The following NFKBID variants were observed in gnomAD, a reference collection of about 807,000 sequenced individuals.
The protein encoded by NFKBID is NF-kappa-B inhibitor delta.
NFKBID carries 26 observed loss-of-function variants against 53.4 expected under a neutral mutation model. The observed-to-expected ratio is 0.49, with a 90% CI of 0.36 to 0.68. The LOEUF is 0.68. Among genes scored for constraint, NFKBID ranks in the 30% least tolerant of loss-of-function variants. The probability of loss-of-function intolerance (pLI) is 0.00; values close to 1 mark genes in which losing one functional copy is unlikely to be tolerated. For missense variants in NFKBID, 493 were observed against 614.1 expected (o/e 0.80, Z 2.08); for synonymous variants, 262 against 259.8 (o/e 1.01, Z -0.08).
Position 35,896,792 on chromosome 19 carries a change from C to T in NFKBID, c.618G>A (p.Ala206=), listed in dbSNP as rs543615979. Residue 206 remains alanine, a synonymous_variant, in exon 6 of 12, where the codon GCG becomes GCA. Coordinates refer to ENST00000641389, the Ensembl canonical transcript of NFKBID. This position sits in a 1 kb window ranked among gnomAD's most constrained non-coding sequence, Gnocchi z 5.7. ...GGAGCACCTCAGCCGCAGCATATGC[C>T]GCCCAGCGCAGCCCCCGAGCCGCAA... is the stretch of plus-strand genomic sequence containing the variant. The T allele has an allele frequency of 8.7e-6, 14 of 1,613,984 alleles. No individual in the cohort carries two copies. The highest frequency in any genetic ancestry group is 2.7e-5 in the African/African-American group (2 of 75,036).
intron 9 of NFKBID, among the ~76,000 whole-genome samples, chr19:35,892,015 T>C (rs1406850895): frequency 6.6e-6 from 1 of 151,738 alleles, no homozygotes; most frequent in Non-Finnish European, 1.5e-5. Flanking sequence ...CCCCAAGCAC[T>C]GGGATTACAG....
chr19:35,897,534 A>G (rs1975264699), intron 4 of NFKBID, 117 bp downstream of exon 4: 1 of 706,906 alleles, frequency 1.4e-6, no homozygotes, highest in East Asian at 2.5e-5. Flanking sequence ...GTGAGCCACC[A>G]CGCCCGGCCT....
At chr19:35,900,302 C>T (rs1453577778) in intron 1 of NFKBID, 140 bp downstream of exon 1, 40 of 640,370 alleles carry the variant, frequency 6.2e-5, no homozygotes, top group Non-Finnish European at 8.5e-5. Context: ...CGATCCCCTC[C>T]TCCTCCAAAC....
chr19:35,898,611 C>T, intron 2 of NFKBID, 79 bp from the exon 3 acceptor site: 1 of 1,417,218 alleles, frequency 7.1e-7, no homozygotes, highest in Non-Finnish European at 9.5e-7. Context: ...ATCTATAAGA[C>T]ATTTCGGTCA....
chr19:35,900,802 CTTTTCTTTTTCTTTTTTTTCTTTTCTT>C, upstream of NFKBID: 1 of 288,894 alleles, frequency 3.5e-6, no homozygotes, highest in Non-Finnish European at 6.2e-6. Context: ...GATTTCTTTT[CTTTTCTTTTTCTTTTTTTTCTTTTCTT>C]TTTTTTTTTT....
At chr19:35,888,661 AGGT>A in intron 11 of NFKBID, 49 bp from the exon 12 acceptor site, 1 of 1,421,910 alleles carries the variant, frequency 7.0e-7, no homozygotes, top group Non-Finnish European at 9.7e-7. Context: ...TTGGAAGGAG[AGGT>A]GGGGAAGGCA....
At chr19:35,895,730 G>C (rs1871811397) in intron 9 of NFKBID, among the ~76,000 whole-genome samples, 1 of 152,156 alleles carries the variant, frequency 6.6e-6, no homozygotes, top group African/African-American at 2.4e-5. Context: ...CTTGAACCCG[G>C]GATGCAGAGG....
At position 35,896,823 on chromosome 19, in the gene NFKBID, T is replaced by C; in HGVS notation, c.587A>G (p.His196Arg). The C allele has an allele frequency of 6.2e-7, 1 of 1,613,618 alleles. No homozygotes were observed. Among genetic ancestry groups the C allele is most frequent in the Non-Finnish European group, 8.5e-7 (1 of 1,179,842 alleles). ...GCGCAGCCCCCGAGCCGCAAACAGG[T>C]GAAGGAGCCTGAGGACAGGTGGGGG... Residue 196 changes from histidine to arginine, a missense_variant, in exon 6 of 12, where the codon CAC (histidine) becomes CGC (arginine). Transcript: ENST00000641389. This position sits in a 1 kb window ranked among gnomAD's most constrained non-coding sequence, Gnocchi z 5.7.
intron 9 of NFKBID, among the ~76,000 whole-genome samples, chr19:35,892,543 C>CAAAAAAAAAAAAAAAAAAAAAA (rs112001334): frequency 2.7e-5 from 3 of 112,282 alleles, no homozygotes; most frequent in African/African-American, 1.0e-4. Flanking sequence ...GACTCCATCT[C>CAAAAAAAAAAAAAAAAAAAAAA]AAAAAAAAAA....
intron 4 of NFKBID, 46 bp from the exon 5 acceptor site, chr19:35,897,104 C>A: frequency 6.3e-7 from 1 of 1,575,004 alleles, no homozygotes; most frequent in Non-Finnish European, 8.6e-7. Context: ...CTGGGGGGTC[C>A]TGGAGGGTGC....
At chr19:35,900,831 T>C (rs112511500), upstream of NFKBID, among the ~76,000 whole-genome samples, 1,430 of 125,872 alleles carry the variant, frequency 0.011, 31 homozygotes, top group African/African-American at 0.051. Flanking sequence ...TCTTTTCTTT[T>C]TTTTTTTTTT....
chr19:35,895,814 A>G (rs1263320330), intron 9 of NFKBID, among the ~76,000 whole-genome samples, 166 bp downstream of exon 9: 1 of 152,152 alleles, frequency 6.6e-6, no homozygotes, highest in African/African-American at 2.4e-5. Context: ...CAAAACAAAC[A>G]AAGAAACAAA....
rs533411201 is a variant in NFKBID at position 35,888,449 on chromosome 19, A to G, written c.*110T>C. ...TCTGGGGTTTTAATGTAAAACCCCAATGGCAGGATATTCCACATACATTAT... is the reference window on the plus strand; with the variant it reads ...TCTGGGGTTTTAATGTAAAACCCCAGTGGCAGGATATTCCACATACATTAT... On this transcript the variant is annotated 3_prime_UTR_variant, in exon 12 of 12. Coordinates refer to ENST00000641389, the Ensembl canonical transcript of NFKBID. 41 of 811,806 alleles carry G rather than the reference A, an allele frequency of 5.1e-5. No individual in the cohort carries two copies. The African/African-American group carries it at 5.4e-4, about 11-fold the overall frequency. 50.3% of individuals were successfully genotyped at this position (811,806 alleles called of 1,614,324 possible).
At chr19:35,890,280 C>A in intron 10 of NFKBID, 94 bp downstream of exon 10, 1 of 944,774 alleles carries the variant, frequency 1.1e-6, no homozygotes, top group East Asian at 2.5e-5. Context: ...CACACATCGT[C>A]CCCTCCACGT....
chr19:35,889,468 A>G (rs1974600460), intron 11 of NFKBID, among the ~76,000 whole-genome samples: 1 of 152,282 alleles, frequency 6.6e-6, no homozygotes, highest in African/African-American at 2.4e-5. Flanking sequence ...GTGAAGGGAA[A>G]GGGGCTGCTG....
At chr19:35,899,321 T>C (rs1975412658) in intron 1 of NFKBID, among the ~76,000 whole-genome samples, 1 of 152,062 alleles carries the variant, frequency 6.6e-6, no homozygotes, top group Non-Finnish European at 1.5e-5. Flanking sequence ...GGCTCACGCC[T>C]GTAATCCCAA....
chr19:35,898,660 C>T (rs1599626357), intron 2 of NFKBID, 59 bp downstream of exon 2: 6 of 1,475,732 alleles, frequency 4.1e-6, no homozygotes, highest in African/African-American at 1.5e-5. Context: ...CCCGGCAAGC[C>T]GCTGAGTCCC....
rs55773307 is a variant in NFKBID, at chr19:35,888,675, C to T, written c.1315-63G>A. The T allele has an allele frequency of 3.6e-3, 4,562 of 1,275,332 alleles. 18 individuals carry two copies. The highest frequency in any genetic ancestry group is 7.5e-3 in the South Asian group (589 of 78,570). 79.0% of individuals were successfully genotyped at this position (1,275,332 alleles called of 1,614,324 possible). Reference sequence around the variant, plus strand: ...GTTGGAAGGAGAGGTGGGGAAGGCACGCCATGCAGAGGGAGGGGCTAGAGA... The same window carrying T: ...GTTGGAAGGAGAGGTGGGGAAGGCATGCCATGCAGAGGGAGGGGCTAGAGA... On this transcript the variant is annotated intron_variant, in intron 11 of 11. Coordinates refer to ENST00000641389, the Ensembl canonical transcript of NFKBID.
chr19:35,898,927 CG>C (rs1191748969), intron 1 of NFKBID, 105 bp from the exon 2 acceptor site: 2 of 807,574 alleles, frequency 2.5e-6, no homozygotes, highest in African/African-American at 3.4e-5. Flanking sequence ...CTCGCCCTCC[CG>C]CGCGGAAAAA....
Sources: allele counts gnomAD v4.1 joint callset (sites outside exome capture counted in the v4.1 genomes callset), GRCh38; gene constraint gnomAD v4.1.1; non-coding constraint Gnocchi (gnomAD v3.1); transcripts MANE v1.5; gene names NCBI Gene and HGNC (gene_info 2026-07-23, HGNC 2026-07-21).